The following ARMC7 variants were observed in gnomAD, a reference collection of about 807,000 sequenced individuals.
ARMC7 encodes armadillo repeat containing 7.
Under a neutral mutation model 14.8 loss-of-function variants are expected in ARMC7, and 9 were observed. The observed-to-expected ratio is 0.61, with a 90% confidence interval of 0.37 to 1.06. The LOEUF (loss-of-function observed/expected upper bound fraction) is 1.06. Among genes scored for constraint, ARMC7 ranks in the 50% least tolerant of loss-of-function variants. The pLI is 0.01. For synonymous variants in ARMC7, 125 were observed against 123.4 expected (o/e 1.01, Z -0.09); for missense variants, 262 against 267.1 (o/e 0.98, Z 0.13).
chr17:75,126,664 C>T (rs976413228), intron 2 of ARMC7, among the ~76,000 whole-genome samples: 24 of 151,774 alleles, frequency 1.6e-4, no homozygotes, highest in African/African-American at 5.6e-4. Context: ...TCATTGCAAC[C>T]TCAGCCTCCT....
intron 2 of ARMC7, among the ~76,000 whole-genome samples, chr17:75,127,332 G>A (rs915668866): frequency 2.8e-4 from 42 of 152,324 alleles, no homozygotes; most frequent in African/African-American, 7.2e-4. Context: ...ACATTGAGAC[G>A]TAGTATTTGC....
In ARMC7 at chr17:75,110,058, T is replaced by G; in HGVS notation, c.-231T>G. The G allele has an allele frequency of 9.9e-6, 5 of 506,574 alleles. No homozygotes were observed. The highest frequency in any genetic ancestry group is 3.5e-5 in the East Asian group (1 of 28,930). The allele number at this position is 506,574 out of a possible 1,614,324, so 31.4% of individuals were successfully genotyped here. ...CGGTTCCCTGTCTCCCGCGCCCCAA[T>G]TTCGATTTTCAAACGCAACTCCTAC... On this transcript the variant is annotated 5_prime_UTR_variant, in exon 1 of 3. Transcript: ENST00000245543.
intron 2 of ARMC7, among the ~76,000 whole-genome samples, chr17:75,128,135 T>C (rs1235204102): frequency 2.0e-5 from 3 of 152,092 alleles, no homozygotes; most frequent in African/African-American, 4.8e-5. Flanking sequence ...AGTGCAGTGA[T>C]GCAATCTCGG....
intron 2 of ARMC7, among the ~76,000 whole-genome samples, chr17:75,120,896 G>C (rs1244740799): frequency 3.3e-5 from 5 of 150,188 alleles, no homozygotes; most frequent in African/African-American, 1.2e-4. Context: ...GGTGAATTTT[G>C]AAATTCATTG....
At chr17:75,128,304 C>T (rs552956216) in intron 2 of ARMC7, among the ~76,000 whole-genome samples, 3 of 152,110 alleles carry the variant, frequency 2.0e-5, no homozygotes, top group South Asian at 2.1e-4. Flanking sequence ...GACTCGTGAC[C>T]TCAGGTGATC....
intron 2 of ARMC7, among the ~76,000 whole-genome samples, chr17:75,124,175 C>T (rs2074034103): frequency 6.6e-6 from 1 of 152,160 alleles, no homozygotes; most frequent in Admixed American, 6.6e-5. Flanking sequence ...AAACTCTGTG[C>T]CCTTTTCTTT....
intron 2 of ARMC7, among the ~76,000 whole-genome samples, chr17:75,123,202 C>A (rs1351453647): frequency 2.1e-5 from 3 of 142,934 alleles, no homozygotes; most frequent in Non-Finnish European, 4.5e-5. Context: ...TCAGGCCCAG[C>A]TAATTTTTTT....
At chr17:75,121,105 A>G (rs563294862) in intron 2 of ARMC7, among the ~76,000 whole-genome samples, 6 of 152,256 alleles carry the variant, frequency 3.9e-5, no homozygotes, top group Non-Finnish European at 8.8e-5. Flanking sequence ...CTTTCACTCA[A>G]CATTATGTTT....
In ARMC7 at chr17:75,128,790, T is replaced by C. The variant is rs2074073925; in HGVS notation, c.349T>C (p.Ser117Pro). 1 of 1,613,376 alleles carries C rather than the reference T, an allele frequency of 6.2e-7. No homozygotes were observed. ...LSSPNEETVLSAITTLMHLSP... is the reference protein window; with the variant it reads ...LSSPNEETVLPAITTLMHLSP... The stretch of plus-strand genomic sequence containing the variant: ...CAGCCCCAATGAGGAGACGGTGCTG[T>C]CTGCCATCACCACGCTCATGCACCT... The change falls in exon 3 of 3, where the codon TCT (serine) becomes CCT (proline). Residue 117 changes from serine (S) to proline (P), a missense_variant. By Grantham distance (74) the Ser-to-Pro change is moderately conservative. Transcript: ENST00000245543.
chr17:75,125,287 T>C (rs1380751608), intron 2 of ARMC7, among the ~76,000 whole-genome samples: 1 of 152,148 alleles, frequency 6.6e-6, no homozygotes, highest in Non-Finnish European at 1.5e-5. Flanking sequence ...GATCAGGTGA[T>C]GAAGGGCTGC....
intron 2 of ARMC7, 36 bp from the exon 3 acceptor site, chr17:75,128,641 G>T: frequency 1.3e-6 from 2 of 1,582,554 alleles, no homozygotes; most frequent in South Asian, 1.2e-5. Flanking sequence ...GAGGCCCGGG[G>T]CTACAGCATC....
chr17:75,126,813 C>G, intron 2 of ARMC7, among the ~76,000 whole-genome samples: 1 of 152,062 alleles, frequency 6.6e-6, no homozygotes, highest in East Asian at 1.9e-4. Flanking sequence ...GTAATCCCAG[C>G]ACTTTGGGAG....
At chr17:75,114,874 G>C in intron 2 of ARMC7, 1 of 393,968 alleles carries the variant, frequency 2.5e-6, no homozygotes, top group Non-Finnish European at 4.5e-6. Context: ...GAGAGCCCCC[G>C]CGTATTTTCT....
intron 2 of ARMC7, among the ~76,000 whole-genome samples, chr17:75,119,123 GACACTGGTACACTGGACTGTACACTGGT>G (rs1367204563): frequency 4.2e-5 from 6 of 143,860 alleles, no homozygotes; most frequent in Non-Finnish European, 7.4e-5. Context: ...GTTCCTCTAT[GACACTGGTACACTGGACTGTACACTGGT>G]ACACTGGTAC....
At chr17:75,125,502 C>T (rs550594831) in intron 2 of ARMC7, among the ~76,000 whole-genome samples, 5 of 152,178 alleles carry the variant, frequency 3.3e-5, no homozygotes, top group African/African-American at 4.8e-5. Flanking sequence ...AAGGAGCACA[C>T]GGACATCTGG....
chr17:75,129,300 CCAGACT>C lies in ARMC7; in HGVS notation c.*266_*271del. On this transcript the variant is annotated 3_prime_UTR_variant, in exon 3 of 3. Transcript: ENST00000245543. ...AATCCTACATCAGGTGCCACCACCACCAGACTCAGGCCCTGGTGTAAGAAGCGGCCA... is the reference window on the plus strand; with the variant it reads ...AATCCTACATCAGGTGCCACCACCACCAGGCCCTGGTGTAAGAAGCGGCCA... 1 of 543,692 alleles carries C rather than the reference CCAGACT, an allele frequency of 1.8e-6. No homozygotes were observed. The highest frequency in any genetic ancestry group is 3.2e-6 in the Non-Finnish European group (1 of 311,310). The allele number at this position is 543,692 out of a possible 1,614,324, so 33.7% of individuals were successfully genotyped here. A position where few individuals can be genotyped will look rare whatever the true frequency, so the allele number is the denominator to read the frequency against.
chr17:75,126,645 A>G (rs1403297229), intron 2 of ARMC7, among the ~76,000 whole-genome samples: 1 of 150,974 alleles, frequency 6.6e-6, no homozygotes, highest in African/African-American at 2.4e-5. Flanking sequence ...GCAATGGCGC[A>G]ATCTCAGCTC....
At chr17:75,124,591 G>C (rs1018775126) in intron 2 of ARMC7, among the ~76,000 whole-genome samples, 1 of 152,262 alleles carries the variant, frequency 6.6e-6, no homozygotes, top group South Asian at 2.1e-4. Context: ...TGTCTGAGCA[G>C]AAGAGTCCGA....
intron 2 of ARMC7, chr17:75,114,713 CCTT>C (rs1444341343): frequency 1.3e-5 from 5 of 398,156 alleles, no homozygotes; most frequent in African/African-American, 2.1e-5. Context: ...TTTTTCTCTT[CCTT>C]CTTCTGCCAC....
Sources: allele counts gnomAD v4.1 joint callset (sites outside exome capture counted in the v4.1 genomes callset), GRCh38; gene constraint gnomAD v4.1.1; transcripts MANE v1.5; gene names NCBI Gene and HGNC (gene_info 2026-07-23, HGNC 2026-07-21).